The following BRINP3 variants were observed in gnomAD, a reference collection of about 807,000 sequenced individuals.
The protein encoded by BRINP3 is BMP/retinoic acid inducible neural specific 3.
Under a neutral mutation model 71.0 loss-of-function variants are expected in BRINP3, and 19 were observed. That is an observed-to-expected ratio of 0.27 (90% confidence interval 0.19 to 0.39). The LOEUF is 0.39. BRINP3 is among the 10% of genes least tolerant of loss of function. The pLI is 1.00. For missense variants in BRINP3, 959 were observed against 940.8 expected (o/e 1.02, Z -0.25); for synonymous variants, 380 against 337.7 (o/e 1.13, Z -1.37).
chr1:190,216,059 A>G (rs1011509199), intron 6 of BRINP3, among the ~76,000 whole-genome samples: 1 of 150,698 alleles, frequency 6.6e-6, no homozygotes, highest in African/African-American at 2.4e-5. Context: ...AGTTATTTGG[A>G]AAAGATAATT....
At chr1:190,354,850 T>A (rs566433589) in intron 2 of BRINP3, among the ~76,000 whole-genome samples, 2 of 151,522 alleles carry the variant, frequency 1.3e-5, no homozygotes, top group South Asian at 4.2e-4. Context: ...ATTTAAAAAA[T>A]ATATTGATCC....
intron 2 of BRINP3, among the ~76,000 whole-genome samples, chr1:190,441,339 T>C (rs1674806584): frequency 6.6e-6 from 1 of 152,050 alleles, no homozygotes; most frequent in South Asian, 2.1e-4. Context: ...CAATAAAACG[T>C]GAATATCTGC....
chr1:190,445,450 T>C (rs1457686992), intron 2 of BRINP3, among the ~76,000 whole-genome samples: 1 of 152,146 alleles, frequency 6.6e-6, no homozygotes, highest in African/African-American at 2.4e-5. Context: ...AAGGACATAA[T>C]GAATGTAATT....
At chr1:190,107,836 G>A (rs1048764421) in intron 7 of BRINP3, among the ~76,000 whole-genome samples, 40 of 151,330 alleles carry the variant, frequency 2.6e-4, no homozygotes, top group African/African-American at 9.5e-4. Flanking sequence ...TCTTTTACTG[G>A]GGAAAATCAA....
chr1:190,370,199 G>T (rs191256209), intron 2 of BRINP3, among the ~76,000 whole-genome samples: 1 of 152,146 alleles, frequency 6.6e-6, no homozygotes, highest in African/African-American at 2.4e-5. Flanking sequence ...AATTTTGTAA[G>T]CTGGTTCTTT....
chr1:190,373,283 G>A (rs1044712802), intron 2 of BRINP3, among the ~76,000 whole-genome samples: 17 of 151,854 alleles, frequency 1.1e-4, no homozygotes, highest in African/African-American at 3.1e-4. Context: ...CCAGCTACTC[G>A]GGAGGCTTAG....
intron 2 of BRINP3, among the ~76,000 whole-genome samples, chr1:190,401,376 CAAAAAAAA>C (rs762938571): frequency 4.5e-5 from 4 of 89,370 alleles, no homozygotes; most frequent in East Asian, 3.4e-4. Context: ...CATCTCAAAA[CAAAAAAAA>C]AAAAAAAAAA....
intron 6 of BRINP3, among the ~76,000 whole-genome samples, chr1:190,201,946 G>C (rs142946063): frequency 2.6e-5 from 4 of 152,124 alleles, no homozygotes; most frequent in Non-Finnish European, 4.4e-5. Flanking sequence ...GAAATGTGGC[G>C]TCAGAGGATC....
intron 7 of BRINP3, among the ~76,000 whole-genome samples, chr1:190,139,958 G>A (rs371894191): frequency 1.3e-5 from 2 of 152,066 alleles, no homozygotes; most frequent in South Asian, 2.1e-4. Flanking sequence ...GAATAAATAC[G>A]ATAAAAATGT....
intron 6 of BRINP3, among the ~76,000 whole-genome samples, chr1:190,199,753 A>G (rs1654821781): frequency 7.0e-6 from 1 of 142,150 alleles, no homozygotes; most frequent in Non-Finnish European, 1.5e-5. Flanking sequence ...GCAATCTGCT[A>G]TTCTTGTCAA....
At chr1:190,408,199 A>ATT (rs1354978525) in intron 2 of BRINP3, among the ~76,000 whole-genome samples, 3 of 50,352 alleles carry the variant, frequency 6.0e-5, no homozygotes, top group African/African-American at 1.4e-4. Context: ...TTATTTATTT[A>ATT]TTTATTTTTT....
chr1:190,429,694 G>T (rs1050293795), intron 2 of BRINP3, among the ~76,000 whole-genome samples: 6 of 150,378 alleles, frequency 4.0e-5, no homozygotes, highest in East Asian at 2.0e-4. Context: ...GGGTTCAAAC[G>T]ATTCTCCTGC....
At chr1:190,198,493 C>T (rs1171818258) in intron 6 of BRINP3, among the ~76,000 whole-genome samples, 5 of 151,816 alleles carry the variant, frequency 3.3e-5, no homozygotes, top group Admixed American at 6.6e-5. Flanking sequence ...ATACATAAAA[C>T]GGAATGATTT....
chr1:190,265,045 T>G lies in BRINP3; in HGVS notation c.438A>C (p.Ser146=), dbSNP rs773117958. The change falls in exon 4 of 8, where the codon TCA becomes TCC. Residue 146 remains serine (S), a synonymous_variant. Transcript: ENST00000367462. The part of the protein sequence containing the change: ...LLSATLGGEE[S]LTIFVDKRKL... ...TCCGCTTGTCCACAAAAATTGTGAG[T>G]GACTCCTCTCCTGCATTAATAATAT... The G allele has an allele frequency of 1.9e-6, 3 of 1,605,982 alleles. No individual in the cohort carries two copies. The highest frequency in any genetic ancestry group is 2.5e-6 in the Non-Finnish European group (3 of 1,177,274).
intron 7 of BRINP3, among the ~76,000 whole-genome samples, chr1:190,104,789 G>T (rs947662219): frequency 9.9e-5 from 15 of 151,738 alleles, no homozygotes; most frequent in Non-Finnish European, 1.0e-4. Flanking sequence ...CAATTACCTC[G>T]TCTCATGGTT....
intron 4 of BRINP3, among the ~76,000 whole-genome samples, chr1:190,237,939 C>T (rs1298575507): frequency 6.6e-6 from 1 of 151,954 alleles, no homozygotes; most frequent in Non-Finnish European, 1.5e-5. Context: ...TGGACAACTA[C>T]AAAATGAATG....
At chr1:190,452,944 G>A (rs1482003886) in intron 2 of BRINP3, among the ~76,000 whole-genome samples, 1 of 152,038 alleles carries the variant, frequency 6.6e-6, no homozygotes, top group East Asian at 1.9e-4. Flanking sequence ...TCACACATAA[G>A]ACAGCACCTT....
chr1:190,408,298 C>G (rs111720705), intron 2 of BRINP3, among the ~76,000 whole-genome samples: 303 of 152,036 alleles, frequency 2.0e-3, no homozygotes, highest in African/African-American at 6.7e-3. Context: ...CCCACCTCGG[C>G]CTCTCAAAGT....
Position 190,317,641 on chromosome 1 carries a change from A to G in BRINP3, c.237-35891T>C, listed in dbSNP as rs1051915621. ...CCAGTTCTTAAGAAAGTCACATTGA[A>G]AAAAAAATCACAATGAACAATTATC... On this transcript the variant is annotated intron_variant, in intron 2 of 7. Coordinates refer to ENST00000367462, the MANE Select transcript of BRINP3 (RefSeq NM_199051.3). Among the ~76,000 whole-genome samples, 5 of 115,768 alleles carry G rather than the reference A, an allele frequency of 4.3e-5. No homozygotes were observed. The Admixed American group carries it at 5.0e-4, about 12-fold the overall frequency. 75.9% of individuals were successfully genotyped at this position (115,768 alleles called of 152,430 possible).
Sources: gnomAD v4.1 joint callset for allele counts (sites outside exome capture counted in the v4.1 genomes callset) on GRCh38, gnomAD v4.1.1 for gene constraint, MANE v1.5 for transcripts, NCBI Gene and HGNC (gene_info 2026-07-23, HGNC 2026-07-21) for gene names.